The following FAM3B variants were observed in gnomAD, a reference collection of about 807,000 sequenced individuals.
FAM3B encodes FAM3 metabolism regulating signaling molecule B.
FAM3B carries 29 observed loss-of-function variants against 28.4 expected under a neutral mutation model. The ratio of observed to expected loss-of-function variants is 1.02; its 90% confidence interval spans 0.76 to 1.39. FAM3B has a LOEUF of 1.39. Among genes scored for constraint, FAM3B ranks in the 40% most tolerant of loss-of-function variants. The pLI, the probability that FAM3B is intolerant of heterozygous loss-of-function variation, is 0.00. For missense variants in FAM3B, 266 were observed against 293.9 expected, an observed-to-expected ratio of 0.91 and a Z score of 0.69; for synonymous variants, 91 against 103.0, an observed-to-expected ratio of 0.88 and a Z score of 0.71.
At chr21:41,342,111 A>T (rs1324663668) in intron 3 of FAM3B, among the ~76,000 whole-genome samples, 2 of 152,134 alleles carry the variant, frequency 1.3e-5, no homozygotes, top group Non-Finnish European at 2.9e-5. Flanking sequence ...TTCCTGAAAA[A>T]TACTTTTGTA....
chr21:41,329,218 C>G (rs2088882718), intron 2 of FAM3B, among the ~76,000 whole-genome samples: 1 of 152,210 alleles, frequency 6.6e-6, no homozygotes, highest in Non-Finnish European at 1.5e-5. Flanking sequence ...ATTTCACTTA[C>G]CCTTGGCCAT....
intron 1 of FAM3B, among the ~76,000 whole-genome samples, chr21:41,318,663 T>G (rs2088772706): frequency 6.6e-6 from 1 of 152,114 alleles, no homozygotes; most frequent in African/African-American, 2.4e-5. Context: ...GGTGTGGCCT[T>G]CATGGTGAGG....
intron 2 of FAM3B, among the ~76,000 whole-genome samples, chr21:41,332,603 G>A (rs979157806): frequency 1.3e-5 from 2 of 152,144 alleles, no homozygotes; most frequent in African/African-American, 4.8e-5. Context: ...ATTGGTATTA[G>A]TTCTTTAATT....
At chr21:41,308,875 G>A (rs995987686) in intron 1 of FAM3B, among the ~76,000 whole-genome samples, 1 of 152,212 alleles carries the variant, frequency 6.6e-6, no homozygotes, top group African/African-American at 2.4e-5. Context: ...GTTGGGACAA[G>A]TAGGAAGAGA....
At chr21:41,325,889 G>GTA (rs1159520610) in intron 2 of FAM3B, among the ~76,000 whole-genome samples, 1 of 152,206 alleles carries the variant, frequency 6.6e-6, no homozygotes. Context: ...AGCAGCTATT[G>GTA]TATTATAAAC....
intron 3 of FAM3B, among the ~76,000 whole-genome samples, chr21:41,339,725 A>G (rs375980471): frequency 6.6e-6 from 1 of 152,218 alleles, no homozygotes. Flanking sequence ...GCAGTTCCTC[A>G]TAGATTTAAA....
intron 7 of FAM3B, among the ~76,000 whole-genome samples, chr21:41,354,832 C>CT (rs35173134): frequency 0.41 from 62,233 of 151,826 alleles, 17,633 homozygotes; most frequent in African/African-American, 0.8. Context: ...ACGTGTACCC[C>CT]GAACTTAAAA....
intron 4 of FAM3B, among the ~76,000 whole-genome samples, chr21:41,345,335 C>T (rs1247762612): frequency 1.3e-5 from 2 of 148,346 alleles, no homozygotes; most frequent in African/African-American, 5.0e-5. Context: ...GCGGGTGGGC[C>T]TGGCTGAGGG....
At chr21:41,327,492 C>T (rs889677423) in intron 2 of FAM3B, among the ~76,000 whole-genome samples, 13 of 152,322 alleles carry the variant, frequency 8.5e-5, no homozygotes, top group Middle Eastern at 3.4e-3. Context: ...CAAAGAGACC[C>T]TGCCTTATTC....
chr21:41,345,536 C>G, intron 4 of FAM3B, 150 bp from the exon 5 acceptor site: 1 of 543,894 alleles, frequency 1.8e-6, no homozygotes, highest in Non-Finnish European at 3.3e-6. Context: ...CTCAAGGGGC[C>G]CGCCCTGTCT....
intron 2 of FAM3B, among the ~76,000 whole-genome samples, chr21:41,336,306 G>A (rs1037567817): frequency 6.6e-6 from 1 of 152,198 alleles, no homozygotes; most frequent in Non-Finnish European, 1.5e-5. Flanking sequence ...TGGATCACCT[G>A]AGGTCAAGAG....
chr21:41,339,635 A>G (rs1385407702), intron 3 of FAM3B, among the ~76,000 whole-genome samples: 1 of 152,218 alleles, frequency 6.6e-6, no homozygotes, highest in East Asian at 1.9e-4. Flanking sequence ...GGTTCCTAGT[A>G]CTATTAACCT....
chr21:41,308,390 G>A (rs1442091796), intron 1 of FAM3B, among the ~76,000 whole-genome samples: 1 of 152,192 alleles, frequency 6.6e-6, no homozygotes, highest in Non-Finnish European at 1.5e-5. Flanking sequence ...GTTCTGGGTA[G>A]TGCTCACCCA....
intron 2 of FAM3B, among the ~76,000 whole-genome samples, chr21:41,331,671 A>G (rs2088906702): frequency 1.3e-5 from 2 of 152,168 alleles, no homozygotes; most frequent in Admixed American, 1.3e-4. Context: ...AGTTTTCCCA[A>G]TACCATTTAT....
At chr21:41,352,796 AAAATAAAT>A (rs1555873398) in intron 7 of FAM3B, among the ~76,000 whole-genome samples, 45 of 27,612 alleles carry the variant, frequency 1.6e-3, no homozygotes, top group African/African-American at 0.011. Context: ...CTCCATCTCA[AAAATAAAT>A]AAATAAATAA....
chr21:41,355,071 G>T (rs917984539), intron 7 of FAM3B, among the ~76,000 whole-genome samples: 9 of 152,124 alleles, frequency 5.9e-5, no homozygotes, highest in Middle Eastern at 3.2e-3. Flanking sequence ...ATGAAAAGAA[G>T]CTCAACATCA....
intron 1 of FAM3B, among the ~76,000 whole-genome samples, chr21:41,305,009 C>G (rs905519785): frequency 6.6e-6 from 1 of 152,124 alleles, no homozygotes; most frequent in Admixed American, 6.5e-5. Flanking sequence ...GAAGGGATGA[C>G]GTGTGGAACC....
At chr21:41,319,575 G>T in intron 1 of FAM3B, 1 of 152,526 alleles carries the variant, frequency 6.6e-6, no homozygotes. Flanking sequence ...GGGGCTCCGC[G>T]AGTCATCTTA....
chr21:41,351,839 A>G (rs560116500), intron 7 of FAM3B, among the ~76,000 whole-genome samples: 1 of 152,336 alleles, frequency 6.6e-6, no homozygotes, highest in African/African-American at 2.4e-5. Context: ...TCTTGGTTTT[A>G]TAGGAGGAAG....
Sources: allele counts gnomAD v4.1 joint callset (sites outside exome capture counted in the v4.1 genomes callset), GRCh38; gene constraint gnomAD v4.1.1; transcripts MANE v1.5; gene names NCBI Gene and HGNC (gene_info 2026-07-23, HGNC 2026-07-21).